The following AAK1 variants were observed in gnomAD, a reference collection of about 807,000 sequenced individuals.
AAK1 encodes AP2 associated kinase 1.
In AAK1, 37 loss-of-function variants were observed where a neutral mutation model predicts 116.0. That is an observed-to-expected ratio of 0.32 (90% CI 0.25 to 0.42). The LOEUF is 0.42. Ranked by LOEUF, AAK1 falls within the 10% of genes least tolerant of loss-of-function variation. AAK1 has a pLI of 1.00. For missense variants in AAK1, 919 were observed against 1,170.6 expected (o/e 0.79, Z 3.14); for synonymous variants, 458 against 439.9 (o/e 1.04, Z -0.51).
In AAK1 at chr2:69,553,437, G is replaced by GTTTTTTT. The variant is rs70954350; in HGVS notation, c.282+3416_282+3422dup. Reference sequence around the variant, plus strand: ...AAAGATACTTCTAGAATTGAAAGTTGTTTTTTTTTTTTTTTTTTTTTTTTT... The same window carrying GTTTTTTT: ...AAAGATACTTCTAGAATTGAAAGTTGTTTTTTTTTTTTTTTTTTTTTTTTTTTTTTTT... On this transcript the variant is annotated intron_variant, in intron 3 of 21. Transcript: ENST00000409085. Among the ~76,000 whole-genome samples the GTTTTTTT allele has an allele frequency of 5.3e-3, 422 of 79,598 alleles. 40 individuals carry two copies. Among genetic ancestry groups the GTTTTTTT allele is most frequent in the African/African-American group, 0.02 (386 of 18,908 alleles). The allele number at this position is 79,598 out of a possible 152,430, so 52.2% of individuals were successfully genotyped here. A position where few individuals can be genotyped will look rare whatever the true frequency, so the allele number is the denominator to read the frequency against.
chr2:69,497,804 C>T (rs997759165), intron 16 of AAK1, among the ~76,000 whole-genome samples: 1 of 152,168 alleles, frequency 6.6e-6, no homozygotes, highest in African/African-American at 2.4e-5. Context: ...CTTCAACCAG[C>T]TTCCCCCAGT....
At chr2:69,633,827 A>G (rs1675323454) in intron 2 of AAK1, among the ~76,000 whole-genome samples, 1 of 152,196 alleles carries the variant, frequency 6.6e-6, no homozygotes, top group South Asian at 2.1e-4. Flanking sequence ...TGACTTGAAA[A>G]GCTCACAGGG....
At chr2:69,476,844 G>A in intron 21 of AAK1, 36 bp downstream of exon 21, 1 of 1,494,292 alleles carries the variant, frequency 6.7e-7, no homozygotes, top group Non-Finnish European at 9.3e-7. Flanking sequence ...GAGAACTGAG[G>A]CCAAGCTCTT....
intron 2 of AAK1, among the ~76,000 whole-genome samples, chr2:69,562,250 T>C (rs1425674340): frequency 1.3e-5 from 2 of 152,224 alleles, no homozygotes; most frequent in Non-Finnish European, 2.9e-5. Context: ...TGGTGCTGTA[T>C]TTTTCATTTT....
At chr2:69,563,300 G>T (rs1671723373) in intron 2 of AAK1, among the ~76,000 whole-genome samples, 1 of 152,122 alleles carries the variant, frequency 6.6e-6, no homozygotes. Flanking sequence ...GGTAAGGTGA[G>T]CAGGAAGAGG....
At chr2:69,563,379 A>C (rs568837954) in intron 2 of AAK1, among the ~76,000 whole-genome samples, 1 of 152,216 alleles carries the variant, frequency 6.6e-6, no homozygotes, top group African/African-American at 2.4e-5. Flanking sequence ...GAATGATTAG[A>C]CTAGGAATAT....
chr2:69,514,361 G>C, intron 13 of AAK1, 110 bp downstream of exon 13: 9 of 1,388,488 alleles, frequency 6.5e-6, no homozygotes, highest in Non-Finnish European at 6.6e-6. Flanking sequence ...ACCCAGGTGG[G>C]AAAGCAACCT....
chr2:69,526,918 C>T (rs1670050727), intron 9 of AAK1, among the ~76,000 whole-genome samples: 1 of 152,178 alleles, frequency 6.6e-6, no homozygotes, highest in African/African-American at 2.4e-5. Context: ...AGGCATGTGG[C>T]TCTCAGAGAA....
Position 69,466,321 on chromosome 2 carries a change from T to C in AAK1, c.*9548A>G. 1 of 1,289,832 alleles carries C rather than the reference T, an allele frequency of 7.8e-7. No homozygotes were observed. Among genetic ancestry groups the C allele is most frequent in the Non-Finnish European group, 1.0e-6 (1 of 988,880 alleles). 79.9% of individuals were successfully genotyped at this position (1,289,832 alleles called of 1,614,324 possible). A position where few individuals can be genotyped will look rare whatever the true frequency, so the allele number is the denominator to read the frequency against. On this transcript the variant is annotated 3_prime_UTR_variant, in exon 22 of 22. Coordinates refer to ENST00000409085, the MANE Select transcript of AAK1 (RefSeq NM_014911.5). ...TCCATAAGGAGAGGCCGAGACCCACTGCAGTCCAGCATGTCTCCTTCAAGG... is the reference window on the plus strand; with the variant it reads ...TCCATAAGGAGAGGCCGAGACCCACCGCAGTCCAGCATGTCTCCTTCAAGG...
intron 15 of AAK1, among the ~76,000 whole-genome samples, chr2:69,506,994 T>A (rs999082298): frequency 6.6e-6 from 1 of 152,066 alleles, no homozygotes; most frequent in Non-Finnish European, 1.5e-5. Flanking sequence ...ACTCTGACTA[T>A]AGTGAAAGAA....
Position 69,467,862 on chromosome 2 carries a change from TG to T in AAK1, c.*8006del. The T allele has an allele frequency of 1.0e-6, 1 of 985,452 alleles. No individual in the cohort carries two copies. The highest frequency in any genetic ancestry group is 5.2e-4 in the Middle Eastern group (1 of 1,914). 61.0% of individuals were successfully genotyped at this position (985,452 alleles called of 1,614,324 possible). A position where few individuals can be genotyped will look rare whatever the true frequency, so the allele number is the denominator to read the frequency against. On this transcript the variant is annotated 3_prime_UTR_variant, in exon 22 of 22. Transcript: ENST00000409085. ...TGTAAAGAGAATGTAGAGAGAGGTC[TG>T]AACATTTTATAAGATACTGTACAAA...
intron 2 of AAK1, among the ~76,000 whole-genome samples, chr2:69,616,564 T>C (rs1278029798): frequency 1.3e-5 from 2 of 152,178 alleles, no homozygotes; most frequent in African/African-American, 4.8e-5. Flanking sequence ...CTTTGGACTG[T>C]ATAATTCCCT....
In AAK1 at chr2:69,482,699, T is replaced by C; in HGVS notation, c.2467+12A>G. The C allele has an allele frequency of 6.3e-7, 1 of 1,583,218 alleles. No homozygotes were observed. The highest frequency in any genetic ancestry group is 2.2e-5 in the East Asian group (1 of 44,716). ...TCATGCATGACTGAAGAAACAGAGATGATGACTTTACCAATTACAGCATCA... is the reference window on the plus strand; with the variant it reads ...TCATGCATGACTGAAGAAACAGAGACGATGACTTTACCAATTACAGCATCA... On this transcript the variant is annotated intron_variant, in intron 18 of 21. Coordinates refer to ENST00000409085, the MANE Select transcript of AAK1 (RefSeq NM_014911.5).
intron 2 of AAK1, among the ~76,000 whole-genome samples, chr2:69,609,768 G>A (rs1041119087): frequency 1.3e-5 from 2 of 151,958 alleles, no homozygotes; most frequent in Admixed American, 6.6e-5. Context: ...AACAAAATTG[G>A]GCCAGGTGCG....
At chr2:69,585,115 A>T (rs1172739518) in intron 2 of AAK1, among the ~76,000 whole-genome samples, 1 of 152,232 alleles carries the variant, frequency 6.6e-6, no homozygotes. Flanking sequence ...GTGTTATCCA[A>T]AAAAACTACA....
chr2:69,493,188 G>C (rs1359621996), intron 17 of AAK1, among the ~76,000 whole-genome samples: 3 of 134,152 alleles, frequency 2.2e-5, no homozygotes, highest in African/African-American at 8.2e-5. Context: ...GGATGCAGTG[G>C]CCTTGATATA....
At chr2:69,625,313 T>C (rs555979552) in intron 2 of AAK1, among the ~76,000 whole-genome samples, 1 of 152,256 alleles carries the variant, frequency 6.6e-6, no homozygotes, top group South Asian at 2.1e-4. Context: ...GCTAACAGTC[T>C]CATAAGGAAG....
At position 69,468,567 on chromosome 2, in the gene AAK1, C is replaced by A; in HGVS notation, c.*7302G>T. ...AGGGAAAAAAAATGGAAAACTTAGT[C>A]AAGCCAGTGACCAACTCTGGCATCA... On this transcript the variant is annotated 3_prime_UTR_variant, in exon 22 of 22. Transcript: ENST00000409085. 1.0e-6 allele frequency: 1 copy of A among 985,384 alleles called. No homozygotes were observed. The highest frequency in any genetic ancestry group is 1.2e-6 in the Non-Finnish European group (1 of 829,914). The allele number at this position is 985,384 out of a possible 1,614,324, so 61.0% of individuals were successfully genotyped here.
rs766626115 is a variant in AAK1 at position 69,465,878 on chromosome 2, G to A, written c.*9991C>T. 22 of 1,290,658 alleles carry A rather than the reference G, an allele frequency of 1.7e-5. No homozygotes were observed. The highest frequency in any genetic ancestry group is 2.3e-5 in the Admixed American group (1 of 43,534). The allele number at this position is 1,290,658 out of a possible 1,614,324, so 80.0% of individuals were successfully genotyped here. A position where few individuals can be genotyped will look rare whatever the true frequency, so the allele number is the denominator to read the frequency against. The stretch of plus-strand genomic sequence containing the variant: ...TGTACACAGCTCTCTCACGGCCCGC[G>A]GGCAGGGGGACATCACCTGTCTGAC... On this transcript the variant is annotated 3_prime_UTR_variant, in exon 22 of 22. Coordinates refer to ENST00000409085, the MANE Select transcript of AAK1 (RefSeq NM_014911.5).
Sources: allele counts gnomAD v4.1 joint callset (sites outside exome capture counted in the v4.1 genomes callset), GRCh38; gene constraint gnomAD v4.1.1; transcripts MANE v1.5; gene names NCBI Gene and HGNC (gene_info 2026-07-23, HGNC 2026-07-21).